The following KIZ variants were observed in gnomAD, a reference collection of about 807,000 sequenced individuals.
The protein encoded by KIZ is kizuna centrosomal protein, also known as centrosomal protein kizuna.
A neutral mutation model predicts 79.6 loss-of-function variants in KIZ; 68 were observed. That is an observed-to-expected ratio of 0.85 (90% CI 0.70 to 1.05). The LOEUF is 1.05. Ranked by LOEUF, KIZ falls within the 50% of genes least tolerant of loss-of-function variation. KIZ has a pLI of 0.00. For missense variants in KIZ, 797 were observed against 800.4 expected, an observed-to-expected ratio of 1.00 and a Z score of 0.05; for synonymous variants, 280 against 281.8, an observed-to-expected ratio of 0.99 and a Z score of 0.06.
chr20:21,167,922 C>G (rs2034021585), intron 6 of KIZ, among the ~76,000 whole-genome samples: 1 of 151,872 alleles, frequency 6.6e-6, no homozygotes, highest in African/African-American at 2.4e-5. Context: ...AAAATAGTTT[C>G]TTTTTTTTAT....
chr20:21,189,352 G>C (rs1248108012), intron 6 of KIZ, among the ~76,000 whole-genome samples: 1 of 152,128 alleles, frequency 6.6e-6, no homozygotes, highest in Non-Finnish European at 1.5e-5. Flanking sequence ...TTACCAAAGA[G>C]AGAATGCTAT....
intron 10 of KIZ, among the ~76,000 whole-genome samples, chr20:21,230,147 C>G (rs77108478): frequency 0.03 from 4,544 of 152,174 alleles, 124 homozygotes; most frequent in Non-Finnish European, 0.043. Context: ...CATGTAATTC[C>G]CAGTCCATAT....
rs535387586 is a variant in KIZ at position 21,169,237 on chromosome 20, GA to G, written c.1352+6087del. On this transcript the variant is annotated intron_variant, in intron 6 of 12. Transcript: ENST00000619189. ...ACAATGAACTCCAACAAATTTACAA[GA>G]AAAAAAAACCCCATCAAAAAGTGGG... 4.7e-5 allele frequency among the ~76,000 whole-genome samples: 7 copies of G among 150,218 alleles called. No homozygotes were observed. In the South Asian group the frequency reaches 6.3e-4, roughly 14 times the overall value.
rs77322103 is a variant in KIZ, at chr20:21,144,700, G to A, written c.316-865G>A. On this transcript the variant is annotated intron_variant, in intron 3 of 12. Coordinates refer to ENST00000619189, the MANE Select transcript of KIZ (RefSeq NM_018474.6). Reference sequence around the variant, plus strand: ...GGTTATTATTGCCCATTTGTTTTTCGTATGTCAAAACAAAGCTCAGGCCTA... The same window carrying A: ...GGTTATTATTGCCCATTTGTTTTTCATATGTCAAAACAAAGCTCAGGCCTA... Among the ~76,000 whole-genome samples the A allele has an allele frequency of 2.5e-3, 377 of 152,102 alleles. 11 individuals carry two copies. The East Asian group carries it at 0.057, about 23-fold the overall frequency.
chr20:21,127,482 T>TA (rs1180405511), intron 1 of KIZ, among the ~76,000 whole-genome samples: 1 of 152,248 alleles, frequency 6.6e-6, no homozygotes, highest in African/African-American at 2.4e-5. Context: ...AACTGTATAA[T>TA]AATTATGTAC....
chr20:21,139,099 A>G (rs1236804758), intron 3 of KIZ: 1 of 135,564 alleles, frequency 7.4e-6, no homozygotes, highest in Admixed American at 7.6e-5. Context: ...TTTTAATGTT[A>G]TGATGGACTT....
intron 9 of KIZ, among the ~76,000 whole-genome samples, chr20:21,227,516 G>A (rs924182763): frequency 6.6e-6 from 1 of 151,906 alleles, no homozygotes; most frequent in African/African-American, 2.4e-5. Context: ...AAACTTTTTG[G>A]TTGATTTTTA....
intron 6 of KIZ, among the ~76,000 whole-genome samples, chr20:21,173,467 A>G (rs2034303413): frequency 6.6e-6 from 1 of 151,772 alleles, no homozygotes; most frequent in Non-Finnish European, 1.5e-5. Flanking sequence ...AATCCCAGCT[A>G]CTTGGGAGGC....
intron 6 of KIZ, among the ~76,000 whole-genome samples, chr20:21,169,099 A>C (rs899382809): frequency 6.6e-6 from 1 of 152,198 alleles, no homozygotes; most frequent in African/African-American, 2.4e-5. Context: ...TAATTAAACT[A>C]AAGAGCTTCT....
At chr20:21,151,197 A>G (rs2033100073) in intron 4 of KIZ, 1 of 152,236 alleles carries the variant, frequency 6.6e-6, no homozygotes, top group South Asian at 2.1e-4. Context: ...TGGAGTCTTA[A>G]TAAATACATC....
At chr20:21,153,864 T>C (rs1600396586) in intron 4 of KIZ, among the ~76,000 whole-genome samples, 1 of 152,186 alleles carries the variant, frequency 6.6e-6, no homozygotes, top group Non-Finnish European at 1.5e-5. Flanking sequence ...CCCACCATTA[T>C]GACATAATTT....
At chr20:21,179,583 G>C (rs1463378400) in intron 6 of KIZ, among the ~76,000 whole-genome samples, 1 of 150,816 alleles carries the variant, frequency 6.6e-6, no homozygotes, top group African/African-American at 2.4e-5. Context: ...ATTTATCTCT[G>C]ATCATTATTA....
chr20:21,244,561 A>T (rs2037326822), intron 12 of KIZ: 1 of 475,864 alleles, frequency 2.1e-6, no homozygotes, highest in Non-Finnish European at 3.7e-6. Context: ...TGTCTAATTA[A>T]TTATCAGCAC....
intron 9 of KIZ, among the ~76,000 whole-genome samples, chr20:21,218,790 G>A (rs2036397557): frequency 1.3e-5 from 2 of 152,158 alleles, no homozygotes; most frequent in African/African-American, 4.8e-5. Context: ...ATTTTTCTGT[G>A]ATTTCATTTT....
At chr20:21,186,992 T>C (rs2034900286) in intron 6 of KIZ, among the ~76,000 whole-genome samples, 1 of 152,036 alleles carries the variant, frequency 6.6e-6, no homozygotes, top group Non-Finnish European at 1.5e-5. Flanking sequence ...GCATCCCAAA[T>C]CCCCAAATCC....
intron 6 of KIZ, chr20:21,202,251 A>G (rs1386598789): frequency 6.6e-6 from 1 of 152,188 alleles, no homozygotes; most frequent in African/African-American, 2.4e-5. Context: ...AATTTAATTC[A>G]TCCAAATTAA....
At chr20:21,181,234 G>A (rs1274520159) in intron 6 of KIZ, among the ~76,000 whole-genome samples, 1 of 152,194 alleles carries the variant, frequency 6.6e-6, no homozygotes. Context: ...GGTCTGCAAA[G>A]TGTCTTTTCC....
intron 6 of KIZ, among the ~76,000 whole-genome samples, chr20:21,176,350 A>G (rs181500454): frequency 6.6e-5 from 10 of 152,214 alleles, no homozygotes; most frequent in Non-Finnish European, 8.8e-5. Context: ...GGAAAGCTGA[A>G]GACAAGGGAA....
At chr20:21,166,012 G>A (rs2033914884) in intron 6 of KIZ, among the ~76,000 whole-genome samples, 1 of 152,040 alleles carries the variant, frequency 6.6e-6, no homozygotes, top group South Asian at 2.1e-4. Context: ...TGTTGCCCAG[G>A]CTGGAGTGCA....
Sources: gnomAD v4.1 joint callset for allele counts (sites outside exome capture counted in the v4.1 genomes callset) on GRCh38, gnomAD v4.1.1 for gene constraint, MANE v1.5 for transcripts, NCBI Gene and HGNC (gene_info 2026-07-23, HGNC 2026-07-21) for gene names.